HMGCLL1: variants seen among roughly 807,000 people sequenced by gnomAD.
HMGCLL1 encodes 3-hydroxymethyl-3-methylglutaryl-CoA lyase, cytoplasmic.
Under a neutral mutation model 39.1 loss-of-function variants are expected in HMGCLL1, and 36 were observed. That is an observed-to-expected ratio of 0.92 (90% CI 0.71 to 1.22). The LOEUF (loss-of-function observed/expected upper bound fraction) is 1.22, where lower values mean the gene tolerates loss of function less well. HMGCLL1 is among the 50% of genes most tolerant of loss of function. HMGCLL1 has a pLI of 0.00. For synonymous variants in HMGCLL1, 149 were observed against 144.0 expected, an observed-to-expected ratio of 1.03 and a Z score of -0.25; for missense variants, 451 against 416.5, an observed-to-expected ratio of 1.08 and a Z score of -0.72.
chr6:55,631,972 T>C, the HMGCLL1 span, among the ~76,000 whole-genome samples: 8 of 152,096 alleles, frequency 5.3e-5, no homozygotes, highest in Admixed American at 3.9e-4. Context: ...TTCTGGAAAG[T>C]TTTTCTGAAA....
At chr6:55,502,447 G>C (rs987507205) in intron 5 of HMGCLL1, among the ~76,000 whole-genome samples, 4 of 151,502 alleles carry the variant, frequency 2.6e-5, no homozygotes, top group African/African-American at 9.7e-5. Flanking sequence ...TATTTTCTCT[G>C]TTTACTCCAT....
the HMGCLL1 span, among the ~76,000 whole-genome samples, chr6:55,608,291 A>G: frequency 2.1e-4 from 32 of 152,326 alleles, no homozygotes; most frequent in South Asian, 6.0e-3. Flanking sequence ...CTTTAAAGAA[A>G]GTCAACACTC....
rs573572685 is a variant in HMGCLL1 at position 55,514,242 on chromosome 6, G to A, written c.394-46C>T. 37 of 1,408,286 alleles carry A rather than the reference G, an allele frequency of 2.6e-5. 1 individual carries two copies. The African/African-American group carries it at 4.9e-4, about 19-fold the overall frequency. 87.2% of individuals were successfully genotyped at this position (1,408,286 alleles called of 1,614,324 possible). On this transcript the variant is annotated intron_variant, in intron 4 of 8. Transcript: ENST00000274901. ...AGCCAAATCTAATAACTTCAAAAATGTGAATGACAGTGGTAGAATAAAGAT... is the reference window on the plus strand; with the variant it reads ...AGCCAAATCTAATAACTTCAAAAATATGAATGACAGTGGTAGAATAAAGAT...
the HMGCLL1 span, among the ~76,000 whole-genome samples, chr6:55,601,807 G>C: frequency 6.6e-6 from 1 of 152,066 alleles, no homozygotes; most frequent in South Asian, 2.1e-4. Context: ...ATTTTATAAT[G>C]TTAATTTCAC....
chr6:55,535,614 T>C (rs1336630169), intron 3 of HMGCLL1, among the ~76,000 whole-genome samples: 1 of 152,158 alleles, frequency 6.6e-6, no homozygotes, highest in African/African-American at 2.4e-5. Context: ...TCCCTCCCTC[T>C]TTCAGCCAAC....
intron 1 of HMGCLL1, chr6:55,577,017 A>G: frequency 6.2e-7 from 1 of 1,606,214 alleles, no homozygotes; most frequent in Non-Finnish European, 8.5e-7. Context: ...GTGAGTGTAG[A>G]TTGTCACTCA....
chr6:55,441,022 A>G (rs1248208995), intron 7 of HMGCLL1, among the ~76,000 whole-genome samples: 1 of 152,208 alleles, frequency 6.6e-6, no homozygotes, highest in Admixed American at 6.6e-5. Context: ...TTATTAAAGC[A>G]CAGCAAGGAT....
At chr6:55,585,453 C>T in the HMGCLL1 span, among the ~76,000 whole-genome samples, 6 of 152,014 alleles carry the variant, frequency 3.9e-5, no homozygotes, top group Non-Finnish European at 8.8e-5. Flanking sequence ...GCTCAAACTT[C>T]ACTTAGAAAA....
At chr6:55,489,367 CA>C (rs1208541729) in intron 7 of HMGCLL1, among the ~76,000 whole-genome samples, 1 of 150,952 alleles carries the variant, frequency 6.6e-6, no homozygotes, top group African/African-American at 2.4e-5. Flanking sequence ...AAGAGGTGAT[CA>C]AAAAGGTAAT....
chr6:55,544,149 A>G (rs980499208), intron 1 of HMGCLL1, among the ~76,000 whole-genome samples: 2 of 152,188 alleles, frequency 1.3e-5, no homozygotes, highest in Middle Eastern at 3.4e-3. Flanking sequence ...AGCCAAATGT[A>G]ACAAACCCCT....
chr6:55,541,860 T>C (rs1287157744), intron 2 of HMGCLL1, 24 bp from the exon 3 acceptor site: 1 of 1,367,244 alleles, frequency 7.3e-7, no homozygotes. Flanking sequence ...AAATATTTTA[T>C]AAGTAAATTG....
chr6:55,628,449 C>T, the HMGCLL1 span, among the ~76,000 whole-genome samples: 17 of 151,110 alleles, frequency 1.1e-4, no homozygotes, highest in South Asian at 6.3e-4. Context: ...ATTACAGGCA[C>T]GCATCACCAC....
At chr6:55,523,796 A>T (rs1301730617) in intron 3 of HMGCLL1, among the ~76,000 whole-genome samples, 2 of 151,960 alleles carry the variant, frequency 1.3e-5, no homozygotes, top group East Asian at 3.9e-4. Context: ...ACAAAATTCA[A>T]AATGTATACA....
the HMGCLL1 span, among the ~76,000 whole-genome samples, chr6:55,629,036 T>A: frequency 1.3e-5 from 2 of 152,104 alleles, no homozygotes; most frequent in Admixed American, 1.3e-4. Flanking sequence ...CTGCTGTAAA[T>A]ACCTAAAAAC....
At chr6:55,662,860 T>A in the HMGCLL1 span, among the ~76,000 whole-genome samples, 3 of 151,896 alleles carry the variant, frequency 2.0e-5, no homozygotes, top group East Asian at 3.9e-4. Context: ...ACTGATTAAA[T>A]TTCAGAGCTA....
chr6:55,489,675 C>T (rs2127419398), intron 7 of HMGCLL1, among the ~76,000 whole-genome samples: 1 of 151,780 alleles, frequency 6.6e-6, no homozygotes, highest in South Asian at 2.1e-4. Flanking sequence ...ACAGCTGAAA[C>T]CTAGGATTAA....
chr6:55,658,722 GT>G, the HMGCLL1 span, among the ~76,000 whole-genome samples: 3 of 151,924 alleles, frequency 2.0e-5, no homozygotes, highest in African/African-American at 7.2e-5. Context: ...ATTGGGATAT[GT>G]TCTGATAATA....
intron 7 of HMGCLL1, among the ~76,000 whole-genome samples, chr6:55,489,744 G>A (rs1766217285): frequency 6.6e-6 from 1 of 151,822 alleles, no homozygotes. Context: ...TTTAATTTTT[G>A]GAATTACTAT....
At chr6:55,496,669 C>A (rs1766599168) in intron 6 of HMGCLL1, among the ~76,000 whole-genome samples, 2 of 152,004 alleles carry the variant, frequency 1.3e-5, no homozygotes, top group African/African-American at 4.8e-5. Flanking sequence ...ATAGGAAGTG[C>A]AACTAGTGAT....
Sources: allele counts gnomAD v4.1 joint callset (sites outside exome capture counted in the v4.1 genomes callset), GRCh38; gene constraint gnomAD v4.1.1; transcripts MANE v1.5; gene names NCBI Gene and HGNC (gene_info 2026-07-23, HGNC 2026-07-21).